CAMSAP1: variants seen among roughly 807,000 people sequenced by gnomAD.
The protein encoded by CAMSAP1 is calmodulin-regulated spectrin-associated protein 1.
In CAMSAP1, 58 loss-of-function variants were observed where a neutral mutation model predicts 143.5. The observed-to-expected ratio is 0.40, with a 90% CI of 0.33 to 0.50. CAMSAP1 has a LOEUF of 0.50. Ranked by LOEUF, CAMSAP1 falls within the 20% of genes least tolerant of loss-of-function variation. The pLI, the probability that CAMSAP1 is intolerant of heterozygous loss-of-function variation, is 0.45. For synonymous variants in CAMSAP1, 945 were observed against 859.3 expected (o/e 1.10, Z -1.74); for missense variants, 1,969 against 2,115.7 (o/e 0.93, Z 1.36).
chr9:135,902,449 T>C, intron 1 of CAMSAP1, among the ~76,000 whole-genome samples: 1 of 152,122 alleles, frequency 6.6e-6, no homozygotes, highest in East Asian at 1.9e-4. Flanking sequence ...ATAAAGAGTC[T>C]CAATTTTTAC....
chr9:135,814,749 T>C (rs1438803398), intron 16 of CAMSAP1, among the ~76,000 whole-genome samples: 6 of 152,230 alleles, frequency 3.9e-5, no homozygotes, highest in Non-Finnish European at 7.3e-5. Flanking sequence ...TGCTCTGATC[T>C]ACTGGGAAGG....
chr9:135,818,917 TG>T lies in CAMSAP1; in HGVS notation c.3959+92del. On this transcript the variant is annotated intron_variant, in intron 12 of 16. Transcript: ENST00000389532. This position sits in a 1 kb window ranked among gnomAD's most constrained non-coding sequence, Gnocchi z 7.7. The stretch of plus-strand genomic sequence containing the variant: ...AGACCGTCACAGGCACTCATTGCCA[TG>T]GTCCATGCTCAGTGCCAGCAACGGG... 6.6e-7 allele frequency: 1 copy of T among 1,523,616 alleles called. No individual in the cohort carries two copies. The highest frequency in any genetic ancestry group is 8.8e-7 in the Non-Finnish European group (1 of 1,134,994). 94.4% of individuals were successfully genotyped at this position (1,523,616 alleles called of 1,614,324 possible). A position where few individuals can be genotyped will look rare whatever the true frequency, so the allele number is the denominator to read the frequency against.
intron 7 of CAMSAP1, among the ~76,000 whole-genome samples, chr9:135,831,889 T>C (rs961046535): frequency 2.0e-5 from 3 of 152,272 alleles, no homozygotes; most frequent in African/African-American, 7.2e-5. Context: ...CTATGAAGAC[T>C]GAACAAAGAA....
intron 7 of CAMSAP1, among the ~76,000 whole-genome samples, chr9:135,829,190 G>A (rs990649911): frequency 2.0e-5 from 3 of 152,162 alleles, no homozygotes; most frequent in Non-Finnish European, 4.4e-5. Flanking sequence ...TAGATACATC[G>A]CTTTTAATTC....
Position 135,826,633 on chromosome 9 carries a change from A to G in CAMSAP1, c.1223+774T>C, listed in dbSNP as rs1049969386. Among the ~76,000 whole-genome samples, 6 of 152,240 alleles carry G rather than the reference A, an allele frequency of 3.9e-5. No homozygotes were observed. Among genetic ancestry groups the G allele is most frequent in the Admixed American group, 2.6e-4 (4 of 15,288 alleles). On this transcript the variant is annotated intron_variant, in intron 8 of 16. Coordinates refer to ENST00000389532, the MANE Select transcript of CAMSAP1 (RefSeq NM_015447.4). The surrounding 1 kb of genome is among the most constrained non-coding windows in gnomAD (Gnocchi z 4.4). ...CTCACTGAACCATTCACTTATGTGA[A>G]TTATTTAAAACCACTTTTAAATAGC... is the stretch of plus-strand genomic sequence containing the variant.
intron 7 of CAMSAP1, among the ~76,000 whole-genome samples, chr9:135,839,861 GA>G (rs1474184489): frequency 6.6e-6 from 1 of 151,970 alleles, no homozygotes; most frequent in Non-Finnish European, 1.5e-5. Context: ...TGGAAAAGGG[GA>G]AAGCCTGGGC....
intron 7 of CAMSAP1, among the ~76,000 whole-genome samples, chr9:135,841,589 A>G (rs995833213): frequency 2.0e-5 from 3 of 152,306 alleles, no homozygotes; most frequent in African/African-American, 7.2e-5. Flanking sequence ...CAGACACCTC[A>G]TACAGGAGAG....
Position 135,810,622 on chromosome 9 carries a change from A to T in CAMSAP1, c.*687T>A, listed in dbSNP as rs914299887. Reference sequence around the variant, plus strand: ...ACATTTGTAGACGTTGTTCTAGCGGAAGACAGGCTTTGCAGATTTCGGTGC... The same window carrying T: ...ACATTTGTAGACGTTGTTCTAGCGGTAGACAGGCTTTGCAGATTTCGGTGC... On this transcript the variant is annotated 3_prime_UTR_variant, in exon 17 of 17. Coordinates refer to ENST00000389532, the MANE Select transcript of CAMSAP1 (RefSeq NM_015447.4). The T allele has an allele frequency of 1.3e-5, 2 of 152,680 alleles. No homozygotes were observed. The highest frequency in any genetic ancestry group is 2.9e-5 in the Non-Finnish European group (2 of 68,094). 9.5% of individuals were successfully genotyped at this position (152,680 alleles called of 1,614,324 possible). A position where few individuals can be genotyped will look rare whatever the true frequency, so the allele number is the denominator to read the frequency against.
At chr9:135,827,063 A>G (rs1835700580) in intron 8 of CAMSAP1, among the ~76,000 whole-genome samples, 2 of 152,212 alleles carry the variant, frequency 1.3e-5, no homozygotes, top group South Asian at 2.1e-4. Flanking sequence ...CTTTATGTCT[A>G]TCAGACCATA....
chr9:135,848,115 C>A (rs1836643216), intron 7 of CAMSAP1, among the ~76,000 whole-genome samples: 1 of 151,662 alleles, frequency 6.6e-6, no homozygotes, highest in Admixed American at 6.6e-5. Flanking sequence ...TGACTTAGGG[C>A]TAACCTCAGT....
chr9:135,818,988 T>G lies in CAMSAP1; in HGVS notation c.3959+22A>C. On this transcript the variant is annotated intron_variant, in intron 12 of 16. Coordinates refer to ENST00000389532, the MANE Select transcript of CAMSAP1 (RefSeq NM_015447.4). The surrounding 1 kb of genome is among the most constrained non-coding windows in gnomAD (Gnocchi z 7.7). ...CACCAGGCTCCTGCTCAGTCTGCTT[T>G]CCCCCCCGGCGGGACGCTTACCGGG... The G allele has an allele frequency of 1.2e-6, 2 of 1,601,250 alleles. No homozygotes were observed. The highest frequency in any genetic ancestry group is 2.2e-5 in the South Asian group (2 of 89,958).
At position 135,855,298 on chromosome 9, in the gene CAMSAP1, C is replaced by T. The variant is rs919425443; in HGVS notation, c.809-4837G>A. 2.0e-5 allele frequency among the ~76,000 whole-genome samples: 3 copies of T among 152,218 alleles called. No homozygotes were observed. In the East Asian group the frequency reaches 5.8e-4, roughly 29 times the overall value. On this transcript the variant is annotated intron_variant, in intron 5 of 16. Coordinates refer to ENST00000389532, the MANE Select transcript of CAMSAP1 (RefSeq NM_015447.4). ...TGAGCCACTGCGCCCGGTCTTAGCT[C>T]CCACTTGTTAAGTGAGAACACGCAG...
intron 16 of CAMSAP1, among the ~76,000 whole-genome samples, chr9:135,813,335 CT>C (rs1401002620): frequency 6.6e-6 from 1 of 152,182 alleles, no homozygotes; most frequent in Non-Finnish European, 1.5e-5. Context: ...ATTTATTTGG[CT>C]TTAGAAAAGT....
At chr9:135,828,797 C>T (rs984620264) in intron 7 of CAMSAP1, among the ~76,000 whole-genome samples, 2 of 152,180 alleles carry the variant, frequency 1.3e-5, no homozygotes, top group African/African-American at 2.4e-5. Context: ...ATTTTGAAAG[C>T]AGCAAGAGAA....
At chr9:135,873,025 C>G (rs1374776972) in intron 3 of CAMSAP1, among the ~76,000 whole-genome samples, 1 of 152,194 alleles carries the variant, frequency 6.6e-6, no homozygotes, top group East Asian at 1.9e-4. Flanking sequence ...TACCTTCAAA[C>G]AGCAGAATAT....
intron 1 of CAMSAP1, among the ~76,000 whole-genome samples, chr9:135,889,963 C>T (rs1838235944): frequency 6.6e-6 from 1 of 152,184 alleles, no homozygotes; most frequent in Admixed American, 6.5e-5. Flanking sequence ...CCACTGCAAC[C>T]GAAACACAAA....
chr9:135,813,656 C>T (rs1438083752), intron 16 of CAMSAP1, among the ~76,000 whole-genome samples: 8 of 152,308 alleles, frequency 5.3e-5, no homozygotes, highest in East Asian at 3.9e-4. Flanking sequence ...GCCTGCTGGG[C>T]GGCCCTTGGT....
intron 5 of CAMSAP1, among the ~76,000 whole-genome samples, chr9:135,861,488 A>G (rs1376796176): frequency 6.6e-6 from 1 of 152,018 alleles, no homozygotes; most frequent in African/African-American, 2.4e-5. Context: ...AATTTTTAGT[A>G]GAGACAGGGT....
At chr9:135,814,591 G>A (rs763144526) in intron 16 of CAMSAP1, among the ~76,000 whole-genome samples, 19 of 152,144 alleles carry the variant, frequency 1.2e-4, no homozygotes, top group Non-Finnish European at 1.9e-4. Flanking sequence ...CACGCTCAGC[G>A]GGTGCGCGCC....
Sources: allele counts gnomAD v4.1 joint callset (sites outside exome capture counted in the v4.1 genomes callset), GRCh38; gene constraint gnomAD v4.1.1; non-coding constraint Gnocchi (gnomAD v3.1); transcripts MANE v1.5; gene names NCBI Gene and HGNC (gene_info 2026-07-23, HGNC 2026-07-21).